Variants in SCARA3 observed in about 807,000 individuals in gnomAD.
SCARA3 encodes cellular stress response gene protein.
SCARA3 carries 39 observed loss-of-function variants against 47.0 expected under a neutral mutation model. The ratio of observed to expected loss-of-function variants is 0.83; its 90% CI spans 0.64 to 1.08. The LOEUF (loss-of-function observed/expected upper bound fraction) is 1.08, where lower values mean the gene tolerates loss of function less well. Ranked by LOEUF, SCARA3 falls within the 50% of genes least tolerant of loss-of-function variation. The pLI is 0.00. For synonymous variants in SCARA3, 356 were observed against 334.1 expected (o/e 1.07, Z -0.71); for missense variants, 724 against 792.3 (o/e 0.91, Z 1.04).
At chr8:27,688,847 T>C in the SCARA3 span, among the ~76,000 whole-genome samples, 1 of 152,212 alleles carries the variant, frequency 6.6e-6, no homozygotes, top group Non-Finnish European at 1.5e-5. Context: ...TTTAGGGTTC[T>C]GACAATATTT....
At chr8:27,688,544 AAGTT>A in the SCARA3 span, among the ~76,000 whole-genome samples, 3 of 152,110 alleles carry the variant, frequency 2.0e-5, no homozygotes, top group Admixed American at 1.3e-4. Context: ...AACAATAAAA[AAGTT>A]AGCTAGGCAT....
Position 27,634,177 on chromosome 8 carries a change from C to T in SCARA3, c.-24C>T. 4 of 1,438,210 alleles carry T rather than the reference C, an allele frequency of 2.8e-6. No homozygotes were observed. The highest frequency in any genetic ancestry group is 3.6e-6 in the Non-Finnish European group (4 of 1,100,126). The allele number at this position is 1,438,210 out of a possible 1,614,324, so 89.1% of individuals were successfully genotyped here. On this transcript the variant is annotated 5_prime_UTR_variant, in exon 1 of 6. Transcript: ENST00000301904. Reference sequence around the variant, plus strand: ...CTCCAGCCGCCTGCAGCGGGGCCCTCCTGAGGCCCCAGAGGAAGAGACCAT... The same window carrying T: ...CTCCAGCCGCCTGCAGCGGGGCCCTTCTGAGGCCCCAGAGGAAGAGACCAT...
intron 5 of SCARA3, among the ~76,000 whole-genome samples, chr8:27,660,264 G>C (rs1801866156): frequency 6.6e-6 from 1 of 152,036 alleles, no homozygotes; most frequent in Non-Finnish European, 1.5e-5. Context: ...GTATGACAGA[G>C]AGAGATCCAC....
At chr8:27,660,828 A>G (rs1801893456) in intron 5 of SCARA3, among the ~76,000 whole-genome samples, 1 of 69,996 alleles carries the variant, frequency 1.4e-5, no homozygotes, top group South Asian at 7.0e-4. Context: ...TATAGATAGA[A>G]GATAGCTAGC....
the SCARA3 span, among the ~76,000 whole-genome samples, chr8:27,691,591 T>A: frequency 6.6e-6 from 1 of 152,158 alleles, no homozygotes; most frequent in Non-Finnish European, 1.5e-5. Flanking sequence ...GCTGCATTAA[T>A]CCTACCTCTG....
the SCARA3 span, among the ~76,000 whole-genome samples, chr8:27,709,729 A>G: frequency 6.6e-6 from 1 of 152,226 alleles, no homozygotes; most frequent in South Asian, 2.1e-4. Flanking sequence ...CAGCTGTGTC[A>G]TTTGCCAGGC....
At chr8:27,645,187 G>T (rs34845792) in intron 1 of SCARA3, among the ~76,000 whole-genome samples, 1 of 152,218 alleles carries the variant, frequency 6.6e-6, no homozygotes, top group Non-Finnish European at 1.5e-5. Flanking sequence ...CCTAGCCATG[G>T]AGAATCCTAA....
At chr8:27,700,258 T>C in the SCARA3 span, among the ~76,000 whole-genome samples, 1 of 152,150 alleles carries the variant, frequency 6.6e-6, no homozygotes. Flanking sequence ...TTGCAATACA[T>C]ATATGAGACA....
chr8:27,644,559 A>AAATAACC (rs1278550257), intron 1 of SCARA3, among the ~76,000 whole-genome samples: 5 of 152,046 alleles, frequency 3.3e-5, no homozygotes, highest in African/African-American at 4.8e-5. Flanking sequence ...TCCTCTTCCA[A>AAATAACC]GCCCATCCGC....
At chr8:27,670,707 C>G (rs574638694) in intron 5 of SCARA3, among the ~76,000 whole-genome samples, 193 bp from the exon 6 acceptor site, 1 of 152,002 alleles carries the variant, frequency 6.6e-6, no homozygotes, top group Non-Finnish European at 1.5e-5. Flanking sequence ...CGGAGCTTCT[C>G]GAAGCTGGCC....
chr8:27,636,358 G>A (rs1801250598), intron 1 of SCARA3, among the ~76,000 whole-genome samples: 1 of 152,132 alleles, frequency 6.6e-6, no homozygotes, highest in African/African-American at 2.4e-5. Context: ...GATCGCTTGA[G>A]CCTGGGAGTT....
intron 3 of SCARA3, among the ~76,000 whole-genome samples, chr8:27,654,721 T>C (rs1340439548): frequency 2.6e-5 from 4 of 150,958 alleles, no homozygotes; most frequent in African/African-American, 9.8e-5. Flanking sequence ...GCCCAGAAGA[T>C]TGAGGCTGCA....
At chr8:27,641,863 A>G (rs972504182) in intron 1 of SCARA3, among the ~76,000 whole-genome samples, 4 of 152,202 alleles carry the variant, frequency 2.6e-5, no homozygotes, top group African/African-American at 9.7e-5. Flanking sequence ...CAGGAGACAG[A>G]ATGAAGAATT....
intron 5 of SCARA3, among the ~76,000 whole-genome samples, chr8:27,663,655 C>T (rs551765638): frequency 7.2e-5 from 11 of 152,266 alleles, no homozygotes; most frequent in South Asian, 6.2e-4. Context: ...AGCTGTTTCC[C>T]AAAAGGAGAG....
At position 27,672,753 on chromosome 8, in the gene SCARA3, C is replaced by G. The variant is rs1229465201; in HGVS notation, c.*1402C>G. The G allele has an allele frequency of 1.3e-5, 13 of 985,510 alleles. No homozygotes were observed. Among genetic ancestry groups the G allele is most frequent in the Non-Finnish European group, 1.6e-5 (13 of 830,072 alleles). 61.0% of individuals were successfully genotyped at this position (985,510 alleles called of 1,614,324 possible). The stretch of plus-strand genomic sequence containing the variant: ...GTGGAGGTCTCCTGTTGGCTACACT[C>G]TAAAGCTGCTTTGCCTTCATGTTCA... On this transcript the variant is annotated 3_prime_UTR_variant, in exon 6 of 6. Transcript: ENST00000301904.
chr8:27,671,845 T>C lies in SCARA3; in HGVS notation c.*494T>C. 1.0e-6 allele frequency: 1 copy of C among 985,608 alleles called. No individual in the cohort carries two copies. The highest frequency in any genetic ancestry group is 1.2e-6 in the Non-Finnish European group (1 of 830,040). The allele number at this position is 985,608 out of a possible 1,614,324, so 61.1% of individuals were successfully genotyped here. A position where few individuals can be genotyped will look rare whatever the true frequency, so the allele number is the denominator to read the frequency against. ...CATGCACATACACAGATTTTTCTGC[T>C]GGCCAGGTGGGCCAACTGGGTTTCC... On this transcript the variant is annotated 3_prime_UTR_variant, in exon 6 of 6. Coordinates refer to ENST00000301904, the MANE Select transcript of SCARA3 (RefSeq NM_016240.3).
At chr8:27,678,896 A>G (rs1263902174), downstream of SCARA3, among the ~76,000 whole-genome samples, 2 of 152,136 alleles carry the variant, frequency 1.3e-5, no homozygotes, top group African/African-American at 4.8e-5. Context: ...AATACTCAAA[A>G]ATCAATGTAG....
chr8:27,658,647 G>A lies in SCARA3; in HGVS notation c.477G>A (p.Val159=), dbSNP rs753331825. 3.7e-6 allele frequency: 6 copies of A among 1,614,128 alleles called. No individual in the cohort carries two copies. The highest frequency in any genetic ancestry group is 5.1e-6 in the Non-Finnish European group (6 of 1,180,010). ...ACCAGACCTTACAGGCCCAGGAGGT[G>A]CTCTCCACCACCAGCAGACAAATCT... ...QLDQTLQAQE[V]LSTTSRQISQ... The change falls in exon 5 of 6, where the codon GTG becomes GTA. Residue 159 remains valine, a synonymous_variant. Coordinates refer to ENST00000301904, the MANE Select transcript of SCARA3 (RefSeq NM_016240.3).
chr8:27,692,321 G>A, the SCARA3 span, among the ~76,000 whole-genome samples: 13 of 151,972 alleles, frequency 8.6e-5, no homozygotes, highest in African/African-American at 1.9e-4. Context: ...TCGGGAGGCT[G>A]TGGCAGGAGA....
Sources: gnomAD v4.1 joint callset for allele counts (sites outside exome capture counted in the v4.1 genomes callset) on GRCh38, gnomAD v4.1.1 for gene constraint, MANE v1.5 for transcripts, NCBI Gene and HGNC (gene_info 2026-07-23, HGNC 2026-07-21) for gene names.